The following GCNT4 variants were observed in gnomAD, a reference collection of about 807,000 sequenced individuals.
GCNT4 encodes beta-1,3-galactosyl-O-glycosyl-glycoprotein beta-1,6-N-acetylglucosaminyltransferase 4.
A neutral mutation model predicts 31.3 loss-of-function variants in GCNT4; 17 were observed. The ratio of observed to expected loss-of-function variants is 0.54; its 90% CI spans 0.37 to 0.81. The LOEUF (loss-of-function observed/expected upper bound fraction) is 0.81, where lower values mean the gene tolerates loss of function less well. Ranked by LOEUF, GCNT4 falls within the 40% of genes least tolerant of loss-of-function variation. The pLI, the probability that GCNT4 is intolerant of heterozygous loss-of-function variation, is 0.00. For synonymous variants in GCNT4, 158 were observed against 190.6 expected (o/e 0.83, Z 1.41); for missense variants, 503 against 525.5 (o/e 0.96, Z 0.42).
At chr5:75,032,872 GGTGTGTGT>G (rs60551634) in intron 3 of GCNT4, among the ~76,000 whole-genome samples, 7,760 of 130,396 alleles carry the variant, frequency 0.06, 344 homozygotes, top group East Asian at 0.14. Context: ...CCCAAATAGG[GGTGTGTGT>G]GTGTGTGTGT....
intron 3 of GCNT4, among the ~76,000 whole-genome samples, chr5:75,047,239 G>A (rs1313654129): frequency 6.6e-6 from 1 of 152,072 alleles, no homozygotes; most frequent in African/African-American, 2.4e-5. Flanking sequence ...TAATTCTCAG[G>A]CCCAACTGAA....
rs1046400193 is a variant in GCNT4, at chr5:75,028,495, C to T, written c.*181G>A. 3 of 574,916 alleles carry T rather than the reference C, an allele frequency of 5.2e-6. No homozygotes were observed. The highest frequency in any genetic ancestry group is 3.8e-5 in the African/African-American group (2 of 52,312). 35.6% of individuals were successfully genotyped at this position (574,916 alleles called of 1,614,324 possible). On this transcript the variant is annotated 3_prime_UTR_variant, in exon 4 of 4. Transcript: ENST00000652361. ...CAAGCAAAAACAAATATTAAAAAAA[C>T]CTAGCCAACTGCAGGCTAATAACAT...
In GCNT4 at chr5:75,029,848, T is replaced by C; in HGVS notation, c.190A>G (p.Lys64Glu). 4.3e-6 allele frequency: 7 copies of C among 1,614,154 alleles called. No individual in the cohort carries two copies. The highest frequency in any genetic ancestry group is 5.9e-6 in the Non-Finnish European group (7 of 1,180,014). The change falls in exon 4 of 4, where the codon AAG becomes GAG. Residue 64 changes from lysine to glutamate, a missense_variant. Lys to Glu is a moderately conservative substitution (Grantham distance 56, BLOSUM62 1). Transcript: ENST00000652361. ...PFVRNRYTHV[K>E]DEVRYEVNCS... is the part of the protein sequence containing the mutation. ...TTAACTTCATACCTGACTTCATCCT[T>C]AACATGAGTGTATCTGTTTCTTACA...
intron 3 of GCNT4, chr5:75,030,624 C>A (rs977047614): frequency 1.2e-5 from 2 of 167,028 alleles, no homozygotes; most frequent in African/African-American, 2.4e-5. Context: ...GGTAAGCCTG[C>A]ATATTTTCCT....
rs1554061788 is a variant in GCNT4, at chr5:75,026,667, A to AAAC, written c.*2008_*2009insGTT. ...TCTCACAAAAAAAAAAAAAAAAAAA[A>AAAC]AAAAACACTTGTGTGGAAGCAAGGA... On this transcript the variant is annotated 3_prime_UTR_variant, in exon 4 of 4. Transcript: ENST00000652361. 110 of 150,462 alleles carry AAAC rather than the reference A, an allele frequency of 7.3e-4. No individual in the cohort carries two copies. The highest frequency in any genetic ancestry group is 2.7e-3 in the African/African-American group (107 of 40,374). The allele number at this position is 150,462 out of a possible 1,614,324, so 9.3% of individuals were successfully genotyped here.
At chr5:75,051,931 A>T (rs556964394) in intron 2 of GCNT4, among the ~76,000 whole-genome samples, 1 of 152,300 alleles carries the variant, frequency 6.6e-6, no homozygotes, top group East Asian at 1.9e-4. Context: ...TAAATCAACA[A>T]CACATCTTAA....
chr5:75,018,255 C>T, the GCNT4 span, among the ~76,000 whole-genome samples: 57 of 151,936 alleles, frequency 3.8e-4, no homozygotes, highest in Non-Finnish European at 2.8e-4. Flanking sequence ...TGTGAGTCAC[C>T]GGGGGTAACA....
upstream of GCNT4, chr5:75,052,596 T>C (rs1351339439): frequency 6.6e-6 from 1 of 152,168 alleles, no homozygotes; most frequent in African/African-American, 2.4e-5. Flanking sequence ...GCCCAGAAAC[T>C]GGTCTCTGGG....
intron 2 of GCNT4, among the ~76,000 whole-genome samples, chr5:75,048,559 A>T (rs1489311344): frequency 6.6e-6 from 1 of 152,244 alleles, no homozygotes; most frequent in Non-Finnish European, 1.5e-5. Context: ...AACAAAAACA[A>T]AACCAAAACC....
At chr5:75,023,545 A>G (rs1742906068), downstream of GCNT4, among the ~76,000 whole-genome samples, 2 of 152,216 alleles carry the variant, frequency 1.3e-5, no homozygotes, top group African/African-American at 4.8e-5. Flanking sequence ...GTAGTTTACA[A>G]TTCAAATGTC....
chr5:75,032,875 GTGTGTGTGTGTGT>G (rs1743099116), intron 3 of GCNT4, among the ~76,000 whole-genome samples: 4 of 60,540 alleles, frequency 6.6e-5, no homozygotes, highest in African/African-American at 4.7e-4. Flanking sequence ...AAATAGGGGT[GTGTGTGTGTGTGT>G]GTGTGTGTGT....
chr5:75,032,875 GTGTGTGTGT>G (rs1743099030), intron 3 of GCNT4, among the ~76,000 whole-genome samples: 8 of 60,540 alleles, frequency 1.3e-4, no homozygotes, highest in African/African-American at 8.2e-4. Context: ...AAATAGGGGT[GTGTGTGTGT>G]GTGTGTGTGT....
rs1742931557 is a variant in GCNT4 at position 75,025,477 on chromosome 5, A to G, written c.*3199T>C. 6.6e-6 allele frequency: 1 copy of G among 152,344 alleles called. No homozygotes were observed. The highest frequency in any genetic ancestry group is 3.4e-3 in the Middle Eastern group (1 of 294). The allele number at this position is 152,344 out of a possible 1,614,324, so 9.4% of individuals were successfully genotyped here. Reference sequence around the variant, plus strand: ...AACTGTATTTCAAAAATGATAAGAAAACAAAATAGGAGATTTAGAGACCAG... The same window carrying G: ...AACTGTATTTCAAAAATGATAAGAAGACAAAATAGGAGATTTAGAGACCAG... On this transcript the variant is annotated 3_prime_UTR_variant, in exon 4 of 4. Transcript: ENST00000652361.
At chr5:75,024,950 C>CAA (rs1239662355), downstream of GCNT4, among the ~76,000 whole-genome samples, 364 of 39,948 alleles carry the variant, frequency 9.1e-3, 4 homozygotes, top group African/African-American at 0.018. Context: ...GACTCCATCT[C>CAA]AAAAAAAAAA....
At chr5:75,044,096 C>T (rs968120783) in intron 3 of GCNT4, among the ~76,000 whole-genome samples, 12 of 152,136 alleles carry the variant, frequency 7.9e-5, no homozygotes, top group African/African-American at 2.7e-4. Flanking sequence ...TTTCTAGTCA[C>T]AGGCAGGGTA....
chr5:75,027,740 T>C lies in GCNT4; in HGVS notation c.*936A>G, dbSNP rs1742980386. On this transcript the variant is annotated 3_prime_UTR_variant, in exon 4 of 4. Coordinates refer to ENST00000652361, the MANE Select transcript of GCNT4 (RefSeq NM_001366737.1). ...AGTGACTCTTAGCTTGATAGTTCCATACAACAGAATTATAATGATTCCACA... is the reference window on the plus strand; with the variant it reads ...AGTGACTCTTAGCTTGATAGTTCCACACAACAGAATTATAATGATTCCACA... 6.6e-6 allele frequency: 1 copy of C among 152,512 alleles called. No homozygotes were observed. The highest frequency in any genetic ancestry group is 1.5e-5 in the Non-Finnish European group (1 of 68,006). The allele number at this position is 152,512 out of a possible 1,614,324, so 9.4% of individuals were successfully genotyped here.
rs1227180407 is a variant in GCNT4, at chr5:75,028,065, A to G, written c.*611T>C. On this transcript the variant is annotated 3_prime_UTR_variant, in exon 4 of 4. Coordinates refer to ENST00000652361, the MANE Select transcript of GCNT4 (RefSeq NM_001366737.1). ...ATAAATGCCCCCCAACAGTCTCCTC[A>G]ACCCTGAATTGACCAAGTAATGCAC... 6.6e-6 allele frequency: 1 copy of G among 152,536 alleles called. No individual in the cohort carries two copies. Among genetic ancestry groups the G allele is most frequent in the African/African-American group, 2.4e-5 (1 of 41,270 alleles). 9.4% of individuals were successfully genotyped at this position (152,536 alleles called of 1,614,324 possible).
At chr5:75,031,209 G>C (rs1452523099) in intron 3 of GCNT4, among the ~76,000 whole-genome samples, 1 of 151,982 alleles carries the variant, frequency 6.6e-6, no homozygotes, top group African/African-American at 2.4e-5. Context: ...TGAGTAGCTA[G>C]AACCACAGGT....
At position 75,025,950 on chromosome 5, in the gene GCNT4, T is replaced by C. The variant is rs539010295; in HGVS notation, c.*2726A>G. ...ATTATAAAACACAGACTGCAGGACA[T>C]TATCAAGACCAGGGAGGAAATCATA... is the stretch of plus-strand genomic sequence containing the variant. On this transcript the variant is annotated 3_prime_UTR_variant, in exon 4 of 4. Coordinates refer to ENST00000652361, the MANE Select transcript of GCNT4 (RefSeq NM_001366737.1). 1 of 152,254 alleles carries C rather than the reference T, an allele frequency of 6.6e-6. No individual in the cohort carries two copies. Among genetic ancestry groups the C allele is most frequent in the East Asian group, 1.9e-4 (1 of 5,186 alleles). 9.4% of individuals were successfully genotyped at this position (152,254 alleles called of 1,614,324 possible). A position where few individuals can be genotyped will look rare whatever the true frequency, so the allele number is the denominator to read the frequency against.
Sources: gnomAD v4.1 joint callset for allele counts (sites outside exome capture counted in the v4.1 genomes callset) on GRCh38, gnomAD v4.1.1 for gene constraint, MANE v1.5 for transcripts, NCBI Gene and HGNC (gene_info 2026-07-23, HGNC 2026-07-21) for gene names.